The following ZNF221 variants were observed in gnomAD, a reference collection of about 807,000 sequenced individuals.
ZNF221 encodes zinc finger protein 221.
In ZNF221, 10 loss-of-function variants were observed where a neutral mutation model predicts 12.6. The ratio of observed to expected loss-of-function variants is 0.79; its 90% CI spans 0.49 to 1.34. The LOEUF (loss-of-function observed/expected upper bound fraction) is 1.34. Ranked by LOEUF, ZNF221 falls within the 40% of genes most tolerant of loss-of-function variation. The pLI is 0.00. For missense variants in ZNF221, 661 were observed against 721.4 expected (o/e 0.92, Z 0.96); for synonymous variants, 232 against 244.0 (o/e 0.95, Z 0.46).
chr19:43,964,048 T>G (rs1241830818), intron 2 of ZNF221, among the ~76,000 whole-genome samples: 1 of 152,170 alleles, frequency 6.6e-6, no homozygotes, highest in Non-Finnish European at 1.5e-5. Context: ...AATTATTTTC[T>G]TTACAGGATT....
intron 3 of ZNF221, 30 bp from the exon 4 acceptor site, chr19:43,965,203 G>C (rs751821893): frequency 1.3e-6 from 2 of 1,597,432 alleles, no homozygotes; most frequent in Non-Finnish European, 1.7e-6. Flanking sequence ...ACAATGGGTT[G>C]GAATTAAGCA....
the ZNF221 span, among the ~76,000 whole-genome samples, chr19:43,976,586 G>A: frequency 1.1e-4 from 16 of 152,144 alleles, no homozygotes; most frequent in African/African-American, 2.2e-4. Flanking sequence ...GTGATTCTGC[G>A]TTTCTGTGCA....
chr19:43,965,358 T>G, intron 4 of ZNF221, 33 bp downstream of exon 4: 3 of 1,557,948 alleles, frequency 1.9e-6, no homozygotes, highest in Non-Finnish European at 2.6e-6. Flanking sequence ...TCCTTGTACA[T>G]GACTCTTCCA....
intron 1 of ZNF221, among the ~76,000 whole-genome samples, chr19:43,960,699 C>G (rs1343061323): frequency 6.6e-6 from 1 of 152,180 alleles, no homozygotes; most frequent in Non-Finnish European, 1.5e-5. Context: ...TTAGAGTGCC[C>G]CAGGCGCAGG....
chr19:43,963,157 TATATA>T (rs1283488214), intron 2 of ZNF221, among the ~76,000 whole-genome samples: 2 of 152,210 alleles, frequency 1.3e-5, no homozygotes, highest in African/African-American at 2.4e-5. Flanking sequence ...GTGCTCGTTT[TATATA>T]ATATTATATA....
chr19:43,968,393 A>G (rs1287829083), downstream of ZNF221, among the ~76,000 whole-genome samples: 1 of 152,232 alleles, frequency 6.6e-6, no homozygotes, highest in African/African-American at 2.4e-5. Context: ...TATAAGCTGC[A>G]TTTACCTTTG....
At chr19:43,962,569 C>T (rs557867620) in intron 1 of ZNF221, among the ~76,000 whole-genome samples, 156 bp from the exon 2 acceptor site, 155 of 152,170 alleles carry the variant, frequency 1.0e-3, no homozygotes, top group African/African-American at 3.5e-3. Context: ...ATTCATTTAC[C>T]CGTAGGAGGG....
At chr19:43,960,400 T>C (rs1049877226) in intron 1 of ZNF221, 4 of 152,092 alleles carry the variant, frequency 2.6e-5, no homozygotes, top group Admixed American at 1.3e-4. Flanking sequence ...GCCTGGCCAT[T>C]TAGTAGAGAA....
chr19:43,975,917 A>G, the ZNF221 span, among the ~76,000 whole-genome samples: 13 of 152,096 alleles, frequency 8.5e-5, no homozygotes, highest in African/African-American at 2.9e-4. Context: ...CCTTGATTGT[A>G]TATAGTATAA....
At position 43,966,629 on chromosome 19, in the gene ZNF221, T is replaced by A; in HGVS notation, c.1127T>A (p.Ile376Asn). Reference protein sequence around the residue: ...YKCEQCGKGFICRRDFCKHQM... With the variant: ...YKCEQCGKGFNCRRDFCKHQM... ...TGTGAGCAATGTGGAAAAGGCTTCA[T>A]TTGTAGGCGAGATTTTTGTAAGCAT... The change falls in exon 5 of 5, where the codon ATT (isoleucine) becomes AAT (asparagine). Residue 376 changes from isoleucine (I) to asparagine (N), a missense_variant. Physicochemically the swap from Ile to Asn is moderately radical, Grantham distance 149 (BLOSUM62 -3). Transcript: ENST00000587682. 1 of 1,613,370 alleles carries A rather than the reference T, an allele frequency of 6.2e-7. No individual in the cohort carries two copies. The highest frequency in any genetic ancestry group is 8.5e-7 in the Non-Finnish European group (1 of 1,179,784).
downstream of ZNF221, among the ~76,000 whole-genome samples, chr19:43,970,551 C>T (rs1022286471): frequency 8.5e-5 from 13 of 152,060 alleles, no homozygotes; most frequent in African/African-American, 1.2e-4. Context: ...ACCAGAATAG[C>T]CAGTTTAGAG....
At chr19:43,969,444 G>C (rs945215758), downstream of ZNF221, among the ~76,000 whole-genome samples, 1 of 139,882 alleles carries the variant, frequency 7.1e-6, no homozygotes. Flanking sequence ...CACCTCTTGG[G>C]TTCAAGCAAT....
At chr19:43,962,856 A>C in intron 2 of ZNF221, 49 bp downstream of exon 2, 2 of 1,539,036 alleles carry the variant, frequency 1.3e-6, no homozygotes, top group Non-Finnish European at 1.8e-6. Context: ...CTTACTACTC[A>C]TATTGTCACA....
At chr19:43,952,765 A>G (rs1974694591) in intron 1 of ZNF221, among the ~76,000 whole-genome samples, 2 of 152,222 alleles carry the variant, frequency 1.3e-5, no homozygotes, top group Admixed American at 1.3e-4. Flanking sequence ...AGCAAGGCTC[A>G]TGGGCTTGGA....
At chr19:43,970,496 T>C (rs1388508209), downstream of ZNF221, among the ~76,000 whole-genome samples, 3 of 152,004 alleles carry the variant, frequency 2.0e-5, no homozygotes, top group Non-Finnish European at 4.4e-5. Context: ...CATAACCCAA[T>C]GCAAAGAAGC....
chr19:43,965,311 G>A lies in ZNF221; in HGVS notation c.287G>A (p.Arg96Lys), dbSNP rs1437629819. Residue 96 changes from arginine to lysine, a missense_variant, in exon 4 of 5, where the codon AGA (arginine) becomes AAA (lysine). Arg to Lys is a conservative substitution (Grantham distance 26). Transcript: ENST00000587682. ...KFWKMKTTSQ[R>K]EGNSGGKIQI... ...TGGAAGATGAAGACAACAAGCCAAA[G>A]AGAAGGGAATTCAGGTAAGAACCAA... 6.2e-7 allele frequency: 1 copy of A among 1,613,198 alleles called. No individual in the cohort carries two copies. The highest frequency in any genetic ancestry group is 8.5e-7 in the Non-Finnish European group (1 of 1,179,532).
chr19:43,957,192 T>C (rs1974770660), intron 1 of ZNF221, among the ~76,000 whole-genome samples: 1 of 152,182 alleles, frequency 6.6e-6, no homozygotes, highest in East Asian at 1.9e-4. Flanking sequence ...TATTTTTTAT[T>C]TTTTTTGAGA....
downstream of ZNF221, among the ~76,000 whole-genome samples, chr19:43,970,257 A>T (rs1337551554): frequency 1.3e-5 from 2 of 152,202 alleles, no homozygotes; most frequent in Admixed American, 1.3e-4. Context: ...CAAAAACCCC[A>T]TTCAAGGGTC....
chr19:43,976,131 A>G, the ZNF221 span, among the ~76,000 whole-genome samples: 1 of 152,084 alleles, frequency 6.6e-6, no homozygotes, highest in African/African-American at 2.4e-5. Context: ...TTCTAGGCTC[A>G]GGCAATCCTC....
Sources: allele counts gnomAD v4.1 joint callset (sites outside exome capture counted in the v4.1 genomes callset), GRCh38; gene constraint gnomAD v4.1.1; transcripts MANE v1.5; gene names NCBI Gene and HGNC (gene_info 2026-07-23, HGNC 2026-07-21).